Variants in ADAP1 observed in about 807,000 individuals in gnomAD.
The protein encoded by ADAP1 is arf-GAP with dual PH domain-containing protein 1.
Under a neutral mutation model 54.9 loss-of-function variants are expected in ADAP1, and 31 were observed. The observed-to-expected ratio is 0.56, with a 90% CI of 0.42 to 0.76. The LOEUF is 0.76. Ranked by LOEUF, ADAP1 falls within the 30% of genes least tolerant of loss-of-function variation. ADAP1 has a pLI of 0.00. For missense variants in ADAP1, 535 were observed against 512.4 expected (o/e 1.04, Z -0.42); for synonymous variants, 313 against 202.6 (o/e 1.55, Z -4.63).
At chr7:899,853 C>T (rs547222616) in intron 8 of ADAP1, among the ~76,000 whole-genome samples, 10 of 152,268 alleles carry the variant, frequency 6.6e-5, no homozygotes, top group African/African-American at 1.4e-4. Flanking sequence ...GGCCCCTGGC[C>T]GCGCAGGTGC....
Position 939,173 on chromosome 7 carries a change from G to A in ADAP1, c.83-3668C>T, listed in dbSNP as rs775367804. ...TCTATAGCTGCTTTTGTGAGCGGTC[G>A]TTGACTAGCTGTGATGGAGACTCTA... On this transcript the variant is annotated intron_variant, in intron 1 of 10. Coordinates refer to ENST00000265846, the MANE Select transcript of ADAP1 (RefSeq NM_006869.4). 4.6e-5 allele frequency among the ~76,000 whole-genome samples: 7 copies of A among 152,270 alleles called. No individual in the cohort carries two copies. The East Asian group carries it at 5.8e-4, about 13-fold the overall frequency.
chr7:932,201 C>A (rs780429253), intron 2 of ADAP1, among the ~76,000 whole-genome samples: 7 of 152,184 alleles, frequency 4.6e-5, no homozygotes, highest in Non-Finnish European at 1.0e-4. Flanking sequence ...AAGGCCCCAT[C>A]GCACCAGACC....
intron 4 of ADAP1, among the ~76,000 whole-genome samples, chr7:906,697 G>GGGA (rs1443651260): frequency 7.1e-5 from 3 of 42,094 alleles, no homozygotes; most frequent in Non-Finnish European, 1.3e-4. Flanking sequence ...CGGGGGACAT[G>GGGA]GACATGGGGG....
At chr7:954,358 GA>G in intron 1 of ADAP1, 37 bp downstream of exon 1, 1 of 980,986 alleles carries the variant, frequency 1.0e-6, no homozygotes, top group Non-Finnish European at 1.2e-6. Context: ...GCCCACCCCG[GA>G]CCCACCCGGC....
intron 8 of ADAP1, among the ~76,000 whole-genome samples, chr7:899,732 C>T (rs3779613): frequency 0.015 from 2,323 of 152,198 alleles, 30 homozygotes; most frequent in East Asian, 0.031. Context: ...CAGATGGGGG[C>T]CCAGGCCTCA....
intron 3 of ADAP1, among the ~76,000 whole-genome samples, chr7:922,186 G>A (rs1008786212): frequency 2.6e-4 from 40 of 152,168 alleles, no homozygotes; most frequent in Non-Finnish European, 2.9e-4. Context: ...GTGGGCTTCG[G>A]GCCACCTGGC....
At chr7:929,828 G>C (rs1846509579) in intron 2 of ADAP1, among the ~76,000 whole-genome samples, 1 of 152,106 alleles carries the variant, frequency 6.6e-6, no homozygotes, top group Non-Finnish European at 1.5e-5. Flanking sequence ...TCAGGGTTGG[G>C]TGTGGTGGCT....
At chr7:949,777 C>G (rs1847225118) in intron 1 of ADAP1, among the ~76,000 whole-genome samples, 1 of 150,400 alleles carries the variant, frequency 6.6e-6, no homozygotes, top group South Asian at 2.1e-4. Context: ...GCTCATCGCC[C>G]ACACCAGCCC....
Position 906,769 on chromosome 7 carries a change from GGGGGACAGGGGACACGGGGGACGGGACA to G in ADAP1, c.389-1625_389-1598del, listed in dbSNP as rs1562915580. Among the ~76,000 whole-genome samples, 148 of 37,876 alleles carry G rather than the reference GGGGGACAGGGGACACGGGGGACGGGACA, an allele frequency of 3.9e-3. 13 individuals are homozygous for G. Among genetic ancestry groups the G allele is most frequent in the East Asian group, 0.024 (15 of 626 alleles). 24.8% of individuals were successfully genotyped at this position (37,876 alleles called of 152,430 possible). A position where few individuals can be genotyped will look rare whatever the true frequency, so the allele number is the denominator to read the frequency against. The stretch of plus-strand genomic sequence containing the variant: ...CATAGGGGACATGGACAGGGGACAT[GGGGGACAGGGGACACGGGGGACGGGACA>G]GGGGACATGGGGGGACATGGGTCAG... On this transcript the variant is annotated intron_variant, in intron 4 of 10. Transcript: ENST00000265846.
rs555181629 is a variant in ADAP1, at chr7:938,888, A to C, written c.83-3383T>G. Among the ~76,000 whole-genome samples the C allele has an allele frequency of 3.9e-5, 6 of 152,314 alleles. No homozygotes were observed. The highest frequency in any genetic ancestry group is 1.4e-4 in the African/African-American group (6 of 41,568). On this transcript the variant is annotated intron_variant, in intron 1 of 10. Coordinates refer to ENST00000265846, the MANE Select transcript of ADAP1 (RefSeq NM_006869.4). The surrounding 1 kb of genome is among the most constrained non-coding windows in gnomAD (Gnocchi z 4.4). ...CATCTAGAAATTCTGAGGGAGGCTG[A>C]GCAACGGCCACCAACAGCTCCCGCC...
chr7:928,018 C>T (rs1033403246), intron 2 of ADAP1, among the ~76,000 whole-genome samples: 1 of 148,204 alleles, frequency 6.7e-6, no homozygotes, highest in African/African-American at 2.5e-5. Context: ...GAGTTCAAGA[C>T]CAGCCTGGGC....
chr7:912,136 C>T (rs911353515), intron 4 of ADAP1, among the ~76,000 whole-genome samples: 6 of 152,156 alleles, frequency 3.9e-5, no homozygotes, highest in African/African-American at 9.7e-5. Context: ...CGGCAACGGT[C>T]GGCCCATCCC....
intron 7 of ADAP1, 105 bp from the exon 8 acceptor site, chr7:900,269 A>T: frequency 7.1e-7 from 1 of 1,399,022 alleles, no homozygotes; most frequent in East Asian, 2.3e-5. Context: ...CCACCAGGTC[A>T]GGGCCCAGGC....
chr7:942,123 C>T (rs1402168391), intron 1 of ADAP1, among the ~76,000 whole-genome samples: 2 of 152,204 alleles, frequency 1.3e-5, no homozygotes, highest in East Asian at 3.8e-4. Flanking sequence ...ATCCCTCTCA[C>T]CATATCCAAA....
At position 905,124 on chromosome 7, in the gene ADAP1, A is replaced by C; in HGVS notation, c.437T>G (p.Phe146Cys). 6.2e-7 allele frequency: 1 copy of C among 1,612,422 alleles called. No homozygotes were observed. Among genetic ancestry groups the C allele is most frequent in the Non-Finnish European group, 8.5e-7 (1 of 1,179,890 alleles). Residue 146 changes from phenylalanine (F) to cysteine (C), a missense_variant, in exon 5 of 11, where the codon TTT becomes TGT. Transcript: ENST00000265846. ...LWKRGRDNGQ[F>C]LSRKFVLTER... is the part of the protein sequence containing the mutation. ...TGTCAGCACAAACTTCCGGCTCAAAAACTGCCCGTTGTCCCGGCCACGCTT... is the reference window on the plus strand; with the variant it reads ...TGTCAGCACAAACTTCCGGCTCAAACACTGCCCGTTGTCCCGGCCACGCTT...
intron 1 of ADAP1, 66 bp downstream of exon 1, chr7:954,326 CAGGA>C: frequency 2.0e-6 from 2 of 1,001,660 alleles, no homozygotes; most frequent in Non-Finnish European, 2.4e-6. Flanking sequence ...GGGGCCCACC[CAGGA>C]CCCGCCCGGC....
chr7:922,892 C>G (rs903801802), intron 3 of ADAP1: 23 of 108,240 alleles, frequency 2.1e-4, no homozygotes, highest in Non-Finnish European at 6.8e-5. Context: ...CTGGGTGTTT[C>G]CGAGGCTGCT....
chr7:901,264 CT>C (rs1259205738), intron 6 of ADAP1: 3 of 349,730 alleles, frequency 8.6e-6, no homozygotes, highest in Non-Finnish European at 1.1e-5. Flanking sequence ...TCCCCTGCCC[CT>C]AGACCCAGCG....
rs1846408000 is a variant in ADAP1 at position 926,860 on chromosome 7, TAACG to T, written c.214-220_214-217del. 1.2e-6 allele frequency: 1 copy of T among 829,748 alleles called. No homozygotes were observed. Among genetic ancestry groups the T allele is most frequent in the Non-Finnish European group, 1.8e-6 (1 of 569,792 alleles). 51.4% of individuals were successfully genotyped at this position (829,748 alleles called of 1,614,324 possible). On this transcript the variant is annotated intron_variant, in intron 2 of 10. Transcript: ENST00000265846. This position sits in a 1 kb window ranked among gnomAD's most constrained non-coding sequence, Gnocchi z 4.6. ...GGGACAGGGAAGGAGCCAGCGTCCC[TAACG>T]ACGGGGTCCCGGCAAAGGGGGCCCA...
Sources: gnomAD v4.1 joint callset for allele counts (sites outside exome capture counted in the v4.1 genomes callset) on GRCh38, gnomAD v4.1.1 for gene constraint, Gnocchi (gnomAD v3.1) non-coding constraint, MANE v1.5 for transcripts, NCBI Gene and HGNC (gene_info 2026-07-23, HGNC 2026-07-21) for gene names.